COP1: variants seen among roughly 807,000 people sequenced by gnomAD.
COP1 encodes E3 ubiquitin-protein ligase COP1.
In COP1, 24 loss-of-function variants were observed where a neutral mutation model predicts 101.3. The observed-to-expected ratio is 0.24, with a 90% confidence interval of 0.17 to 0.33. The LOEUF is 0.33. Ranked by LOEUF, COP1 falls within the 10% of genes least tolerant of loss-of-function variation. The probability of loss-of-function intolerance (pLI) is 1.00; values close to 1 mark genes in which losing one functional copy is unlikely to be tolerated. For missense variants in COP1, 663 were observed against 906.2 expected (o/e 0.73, Z 3.45); for synonymous variants, 347 against 341.9 (o/e 1.01, Z -0.17).
chr1:176,162,044 A>G (rs1475589836), intron 5 of COP1, among the ~76,000 whole-genome samples: 1 of 152,246 alleles, frequency 6.6e-6, no homozygotes, highest in African/African-American at 2.4e-5. Flanking sequence ...AAAAAAGTCT[A>G]CAAGAAAAGA....
Position 176,046,200 on chromosome 1 carries a change from T to G in COP1, c.1402A>C (p.Thr468Pro). 1 of 1,603,502 alleles carries G rather than the reference T, an allele frequency of 6.2e-7. No homozygotes were observed. The highest frequency in any genetic ancestry group is 8.5e-7 in the Non-Finnish European group (1 of 1,177,048). Residue 468 changes from threonine to proline, a missense_variant, in exon 12 of 20, where the codon ACC (threonine) becomes CCC (proline). Thr to Pro is a conservative substitution (Grantham distance 38). Around this residue, in one of 4 missense-constraint regions of COP1, gnomAD observed 209 missense variants for 383.3 expected, o/e 0.55. Coordinates refer to ENST00000367669, the MANE Select transcript of COP1 (RefSeq NM_022457.7). ...AAATACCTGATTTTCGAATTGCAGGTCATTTCATTCTCAGGGTAATGAATA... is the reference window on the plus strand; with the variant it reads ...AAATACCTGATTTTCGAATTGCAGGGCATTTCATTCTCAGGGTAATGAATA... ...VDIHYPENEM[T>P]CNSKISCISW...
chr1:176,154,301 G>A (rs1366173508), intron 5 of COP1, among the ~76,000 whole-genome samples: 2 of 152,044 alleles, frequency 1.3e-5, no homozygotes, highest in Admixed American at 6.6e-5. Context: ...GATACCCAAA[G>A]GAATACAAAT....
intron 9 of COP1, among the ~76,000 whole-genome samples, chr1:176,094,077 T>A (rs1681878540): frequency 6.6e-6 from 1 of 151,428 alleles, no homozygotes. Flanking sequence ...CAGATAAGAC[T>A]TCAAAGCCTG....
Position 176,064,033 on chromosome 1 carries a change from AT to A in COP1, c.1277+17118del, listed in dbSNP as rs1262980949. On this transcript the variant is annotated intron_variant, in intron 11 of 19. Coordinates refer to ENST00000367669, the MANE Select transcript of COP1 (RefSeq NM_022457.7). ...GAAGTTTAATCAAGTGTAGCAGTACATCCTTAGAGCCTAAACAAATCTTTTT... is the reference window on the plus strand; with the variant it reads ...GAAGTTTAATCAAGTGTAGCAGTACACCTTAGAGCCTAAACAAATCTTTTT... Among the ~76,000 whole-genome samples the A allele has an allele frequency of 5.9e-5, 9 of 152,354 alleles. No individual in the cohort carries two copies. In the East Asian group the frequency reaches 1.7e-3, roughly 29 times the overall value.
At chr1:176,186,104 G>T (rs1317459488) in intron 1 of COP1, among the ~76,000 whole-genome samples, 1 of 152,100 alleles carries the variant, frequency 6.6e-6, no homozygotes, top group Non-Finnish European at 1.5e-5. Flanking sequence ...AGAAAACTGA[G>T]ATTTGGGGGT....
At chr1:176,026,294 T>C (rs1046611330) in intron 15 of COP1, among the ~76,000 whole-genome samples, 1 of 151,950 alleles carries the variant, frequency 6.6e-6, no homozygotes, top group Non-Finnish European at 1.5e-5. Context: ...GAACATACAC[T>C]CAAACTCAAT....
At chr1:175,987,323 TACA>T (rs1657358568) in intron 17 of COP1, among the ~76,000 whole-genome samples, 1 of 152,162 alleles carries the variant, frequency 6.6e-6, no homozygotes, top group Non-Finnish European at 1.5e-5. Context: ...TGTTAAATGA[TACA>T]ACAATACTGA....
intron 15 of COP1, among the ~76,000 whole-genome samples, chr1:176,006,292 C>A (rs953710425): frequency 1.3e-5 from 2 of 151,356 alleles, no homozygotes; most frequent in African/African-American, 4.9e-5. Flanking sequence ...TGGGTCTTGA[C>A]TCTTTATCCA....
chr1:176,012,471 G>A (rs752257593), intron 15 of COP1, among the ~76,000 whole-genome samples: 9 of 152,124 alleles, frequency 5.9e-5, no homozygotes, highest in Non-Finnish European at 1.0e-4. Flanking sequence ...AAGTTTTAAA[G>A]TTAATGAAGT....
At chr1:176,108,861 C>T (rs1005827531) in intron 9 of COP1, among the ~76,000 whole-genome samples, 7 of 152,078 alleles carry the variant, frequency 4.6e-5, no homozygotes, top group Admixed American at 1.3e-4. Flanking sequence ...TGCCTCTAAT[C>T]CCAGCACTTT....
chr1:175,973,373 A>C (rs1235790019), intron 18 of COP1, among the ~76,000 whole-genome samples: 1 of 152,224 alleles, frequency 6.6e-6, no homozygotes, highest in Non-Finnish European at 1.5e-5. Context: ...CTTTTCTTTC[A>C]TCTTTCCATT....
chr1:176,173,338 A>AAAC (rs1553306362), intron 3 of COP1, among the ~76,000 whole-genome samples: 2 of 149,470 alleles, frequency 1.3e-5, no homozygotes, highest in African/African-American at 5.0e-5. Flanking sequence ...AAAAAAAAAA[A>AAAC]AAAAAACCAG....
intron 3 of COP1, among the ~76,000 whole-genome samples, chr1:176,174,082 T>C (rs981025140): frequency 5.2e-5 from 7 of 135,294 alleles, no homozygotes; most frequent in Non-Finnish European, 1.0e-4. Flanking sequence ...TCCATACTCA[T>C]ATATAACTCT....
intron 1 of COP1, among the ~76,000 whole-genome samples, chr1:176,194,219 G>T (rs1442428201): frequency 6.6e-6 from 1 of 151,440 alleles, no homozygotes; most frequent in African/African-American, 2.4e-5. Flanking sequence ...AAGCAAGAAA[G>T]GAAGAAAAAA....
chr1:176,089,630 G>A (rs1680916754), intron 9 of COP1, among the ~76,000 whole-genome samples: 1 of 152,104 alleles, frequency 6.6e-6, no homozygotes, highest in Admixed American at 6.5e-5. Flanking sequence ...ATGGGAGGAG[G>A]TAAGAGTCAT....
At chr1:176,165,467 G>T (rs1423006306) in intron 3 of COP1, among the ~76,000 whole-genome samples, 1 of 150,938 alleles carries the variant, frequency 6.6e-6, no homozygotes, top group African/African-American at 2.4e-5. Context: ...GGCCAAGGTG[G>T]GTGGATCACC....
chr1:176,099,019 T>G (rs1192155390), intron 9 of COP1, among the ~76,000 whole-genome samples: 5 of 152,246 alleles, frequency 3.3e-5, no homozygotes, highest in Admixed American at 3.3e-4. Flanking sequence ...AAAATTCTAA[T>G]GTCTAAAGTA....
At chr1:175,950,384 T>C (rs1410390676) in intron 18 of COP1, among the ~76,000 whole-genome samples, 2 of 152,158 alleles carry the variant, frequency 1.3e-5, no homozygotes, top group African/African-American at 4.8e-5. Flanking sequence ...GATAGCTAGA[T>C]ATTGGCTTAA....
intron 1 of COP1, among the ~76,000 whole-genome samples, chr1:176,204,446 C>T (rs1700614056): frequency 6.6e-6 from 1 of 151,384 alleles, no homozygotes; most frequent in Admixed American, 6.6e-5. Context: ...CACAGCCAAA[C>T]GGGGGGAAAA....
Sources: gnomAD v4.1 joint callset for allele counts (sites outside exome capture counted in the v4.1 genomes callset) on GRCh38, gnomAD v4.1.1 for gene constraint, gnomAD v4.1.1 regional missense constraint, MANE v1.5 for transcripts, NCBI Gene and HGNC (gene_info 2026-07-23, HGNC 2026-07-21) for gene names.